The following USP9X variants were observed in gnomAD, a reference collection of about 807,000 sequenced individuals.
USP9X encodes ubiquitin specific peptidase 9 X-linked.
A neutral mutation model predicts 190.3 loss-of-function variants in USP9X; 7 were observed. The observed-to-expected ratio is 0.04, with a 90% confidence interval of 0.02 to 0.07. The LOEUF (loss-of-function observed/expected upper bound fraction) is 0.07. Ranked by LOEUF, USP9X falls within the 10% of genes least tolerant of loss-of-function variation. USP9X has a pLI of 1.00. For missense variants in USP9X, 1,010 were observed against 1,916.9 expected, an observed-to-expected ratio of 0.53 and a Z score of 8.83; for synonymous variants, 645 against 659.5, an observed-to-expected ratio of 0.98 and a Z score of 0.34.
intron 21 of USP9X, among the ~76,000 whole-genome samples, chrX:41,183,664 CTTG>C (rs1453095942): frequency 1.8e-5 from 2 of 111,314 alleles, no homozygotes; most frequent in African/African-American, 6.5e-5. Context: ...TAATTTTTTT[CTTG>C]TTATTTTCAG....
intron 2 of USP9X, among the ~76,000 whole-genome samples, chrX:41,125,718 T>TCTCTCTCTCTCGCGCG (rs1176200100): frequency 1.0e-5 from 1 of 99,193 alleles, no homozygotes; most frequent in African/African-American, 4.1e-5. Flanking sequence ...TCTCTCTCTC[T>TCTCTCTCTCTCGCGCG]CGCGCACGCG....
intron 20 of USP9X, 181 bp from the exon 21 acceptor site, chrX:41,171,657 G>T (rs1216208324): frequency 1.9e-6 from 1 of 529,837 alleles, no homozygotes; most frequent in Admixed American, 2.7e-5. Context: ...ACTTGATGAT[G>T]TATTTGATCT....
At chrX:41,137,851 A>G (rs1219260895) in intron 6 of USP9X, among the ~76,000 whole-genome samples, 1 of 110,684 alleles carries the variant, frequency 9.0e-6, no homozygotes, top group Non-Finnish European at 1.9e-5. Flanking sequence ...GAAAATTTTA[A>G]TCTATACCTG....
chrX:41,106,178 G>A (rs974169292), intron 1 of USP9X, among the ~76,000 whole-genome samples: 3 of 110,010 alleles, frequency 2.7e-5, no homozygotes, highest in African/African-American at 1.0e-4. Context: ...CCTGCTTTTG[G>A]TATTGTATCT....
intron 11 of USP9X, among the ~76,000 whole-genome samples, chrX:41,147,059 T>C (rs2062471875): frequency 8.9e-6 from 1 of 111,870 alleles, no homozygotes. Context: ...CATGTGTATG[T>C]CTTTTAAGTC....
intron 26 of USP9X, among the ~76,000 whole-genome samples, chrX:41,194,502 C>T (rs1316274715): frequency 2.7e-5 from 3 of 110,737 alleles, no homozygotes; most frequent in African/African-American, 6.6e-5. Flanking sequence ...TGCAGTGAGC[C>T]GAGATGTTGC....
rs865998539 is a variant in USP9X, at chrX:41,143,219, T to A, written c.1162-72T>A. ...TTTTGAATTTCCTTATATTATTTAA[T>A]AATAGTGTGAGCAATTAAGAAAAAA... On this transcript the variant is annotated intron_variant, in intron 9 of 44. Transcript: ENST00000378308. 135 of 767,734 alleles carry A rather than the reference T, an allele frequency of 1.8e-4. No homozygotes were observed. The Middle Eastern group carries it at 0.012, about 66-fold the overall frequency. The allele number at this position is 767,734 out of a possible 1,213,427, so 63.3% of individuals were successfully genotyped here. A position where few individuals can be genotyped will look rare whatever the true frequency, so the allele number is the denominator to read the frequency against.
rs772609096 is a variant in USP9X, at chrX:41,147,916, G to A, written c.1420-453G>A. On this transcript the variant is annotated intron_variant, in intron 11 of 44. Transcript: ENST00000378308. Reference sequence around the variant, plus strand: ...TATTTGGCTTATGATTCTGGAGGTTGGGAAGTACAAGAGGCATGGTGCCAG... The same window carrying A: ...TATTTGGCTTATGATTCTGGAGGTTAGGAAGTACAAGAGGCATGGTGCCAG... Among the ~76,000 whole-genome samples, 551 of 111,604 alleles carry A rather than the reference G, an allele frequency of 4.9e-3. 4 individuals carry two copies. The highest frequency in any genetic ancestry group is 0.017 in the African/African-American group (522 of 30,713).
At chrX:41,086,276 C>T (rs1412017716) in intron 1 of USP9X, among the ~76,000 whole-genome samples, 167 bp downstream of exon 1, 1 of 112,326 alleles carries the variant, frequency 8.9e-6, no homozygotes, top group Non-Finnish European at 1.9e-5. Context: ...CCGGGCTGGG[C>T]GGGCGCGCGG....
intron 31 of USP9X, among the ~76,000 whole-genome samples, chrX:41,203,895 A>G (rs2063066130): frequency 1.8e-5 from 2 of 110,628 alleles, no homozygotes; most frequent in South Asian, 7.7e-4. Flanking sequence ...ATGGGATTTC[A>G]CCATATTGGC....
At chrX:41,191,148 T>G (rs1165235371) in intron 26 of USP9X, among the ~76,000 whole-genome samples, 1 of 109,766 alleles carries the variant, frequency 9.1e-6, no homozygotes. Context: ...GCCAACATGG[T>G]GAAACCTCGA....
At chrX:41,128,511 A>G (rs2062276397) in intron 2 of USP9X, among the ~76,000 whole-genome samples, 1 of 112,126 alleles carries the variant, frequency 8.9e-6, no homozygotes, top group Non-Finnish European at 1.9e-5. Context: ...CTGAAACATC[A>G]TAAACTTTCA....
chrX:41,185,523 A>T (rs919955335), intron 23 of USP9X, among the ~76,000 whole-genome samples: 3 of 111,693 alleles, frequency 2.7e-5, no homozygotes, highest in Non-Finnish European at 5.7e-5. Flanking sequence ...TAATTCCTGA[A>T]GCTAAGTAAT....
intron 1 of USP9X, among the ~76,000 whole-genome samples, chrX:41,099,100 T>TTTTTTTTTTG (rs1569147061): frequency 2.6e-4 from 12 of 45,628 alleles, no homozygotes; most frequent in Admixed American, 6.1e-4. Context: ...ATAATTGTTT[T>TTTTTTTTTTG]TTTTTTTTTT....
At chrX:41,105,735 G>T (rs1165571423) in intron 1 of USP9X, among the ~76,000 whole-genome samples, 3 of 112,062 alleles carry the variant, frequency 2.7e-5, no homozygotes, top group Non-Finnish European at 3.8e-5. Context: ...GTTTTCCACA[G>T]TGGCTGCACC....
At chrX:41,094,863 A>C (rs1053190198) in intron 1 of USP9X, among the ~76,000 whole-genome samples, 1 of 107,723 alleles carries the variant, frequency 9.3e-6, no homozygotes, top group Non-Finnish European at 1.9e-5. Context: ...ACATGGTGAG[A>C]CCCCCGTCTC....
rs1422403184 is a variant in USP9X, at chrX:41,200,234, T to C, written c.4604-826T>C. ...TTCTTGTATTTTTTTTTTAACTTAA[T>C]GGGGGTTAATTTTTTAATCACAGAT... On this transcript the variant is annotated intron_variant, in intron 30 of 44. Coordinates refer to ENST00000378308, the MANE Select transcript of USP9X (RefSeq NM_001039591.3). 2.7e-5 allele frequency among the ~76,000 whole-genome samples: 3 copies of C among 111,218 alleles called. No homozygotes were observed. The South Asian group carries it at 1.1e-3, about 42-fold the overall frequency.
intron 1 of USP9X, among the ~76,000 whole-genome samples, chrX:41,101,005 A>G (rs905416510): frequency 3.6e-5 from 4 of 111,668 alleles, no homozygotes; most frequent in Non-Finnish European, 7.5e-5. Flanking sequence ...GTGATATTCT[A>G]TCAAAAAATT....
intron 31 of USP9X, among the ~76,000 whole-genome samples, chrX:41,204,340 T>C (rs956525379): frequency 9.0e-6 from 1 of 111,617 alleles, no homozygotes; most frequent in Non-Finnish European, 1.9e-5. Flanking sequence ...ATACTTTCTT[T>C]TGTTGCCTGT....
Sources: allele counts gnomAD v4.1 joint callset (sites outside exome capture counted in the v4.1 genomes callset), GRCh38; gene constraint gnomAD v4.1.1; transcripts MANE v1.5; gene names NCBI Gene and HGNC (gene_info 2026-07-23, HGNC 2026-07-21).